HEMK2: variants seen among roughly 807,000 people sequenced by gnomAD.
The protein encoded by HEMK2 is HemK methyltransferase 2, ETF1 glutamine and histone H4 lysine.
At chr21:28,767,987 T>C in the HEMK2 span, among the ~76,000 whole-genome samples, 65,948 of 151,668 alleles carry the variant, frequency 0.43, 15,655 homozygotes, top group African/African-American at 0.61. Flanking sequence ...ACGTGATTGT[T>C]AGTTATTCGG....
chr21:28,580,190 G>C, the HEMK2 span, among the ~76,000 whole-genome samples: 1 of 152,114 alleles, frequency 6.6e-6, no homozygotes, highest in Non-Finnish European at 1.5e-5. Flanking sequence ...GTAGGCAGCA[G>C]GTGGGCAAAG....
At chr21:28,732,904 G>A in the HEMK2 span, among the ~76,000 whole-genome samples, 1 of 152,086 alleles carries the variant, frequency 6.6e-6, no homozygotes, top group Non-Finnish European at 1.5e-5. Flanking sequence ...TAATACCCGG[G>A]TACCTCCAGA....
the HEMK2 span, among the ~76,000 whole-genome samples, chr21:28,694,044 G>A: frequency 6.6e-6 from 1 of 152,230 alleles, no homozygotes; most frequent in South Asian, 2.1e-4. Context: ...AAATATATCT[G>A]CTTAACCATT....
the HEMK2 span, among the ~76,000 whole-genome samples, chr21:28,732,634 G>A: frequency 4.6e-5 from 7 of 152,212 alleles, no homozygotes; most frequent in African/African-American, 1.7e-4. Context: ...GCATGAAAGG[G>A]ACTGGCAGGG....
At chr21:28,850,412 G>C in the HEMK2 span, among the ~76,000 whole-genome samples, 1 of 151,890 alleles carries the variant, frequency 6.6e-6, no homozygotes, top group East Asian at 1.9e-4. Context: ...TTTTAGTAGA[G>C]ACGGGGTTTC....
chr21:28,845,274 C>T, the HEMK2 span, among the ~76,000 whole-genome samples: 1 of 152,106 alleles, frequency 6.6e-6, no homozygotes, highest in Non-Finnish European at 1.5e-5. Flanking sequence ...CTCATCTATA[C>T]TGGCTTCTAT....
At chr21:28,856,339 T>C in the HEMK2 span, among the ~76,000 whole-genome samples, 2 of 151,616 alleles carry the variant, frequency 1.3e-5, no homozygotes, top group Non-Finnish European at 1.5e-5. Flanking sequence ...TGTTTCAACC[T>C]GGGAGGTGGA....
At chr21:28,638,357 A>C in the HEMK2 span, among the ~76,000 whole-genome samples, 2 of 152,260 alleles carry the variant, frequency 1.3e-5, no homozygotes, top group South Asian at 4.2e-4. Flanking sequence ...AACTGGAAGG[A>C]GGAGCACGGT....
the HEMK2 span, among the ~76,000 whole-genome samples, chr21:28,711,632 G>A: frequency 6.6e-6 from 1 of 152,128 alleles, no homozygotes; most frequent in African/African-American, 2.4e-5. Flanking sequence ...GTCTGTCTGT[G>A]ATATAAACTC....
At chr21:28,804,437 T>A in the HEMK2 span, among the ~76,000 whole-genome samples, 1 of 152,162 alleles carries the variant, frequency 6.6e-6, no homozygotes, top group Non-Finnish European at 1.5e-5. Context: ...GAATATCTCA[T>A]ATAATTAAAT....
the HEMK2 span, among the ~76,000 whole-genome samples, chr21:28,591,020 C>T: frequency 1.3e-5 from 2 of 152,210 alleles, no homozygotes; most frequent in Non-Finnish European, 2.9e-5. Flanking sequence ...CATTTTGTTA[C>T]AGCACCTCCT....
chr21:28,787,974 A>T, the HEMK2 span, among the ~76,000 whole-genome samples: 1 of 152,064 alleles, frequency 6.6e-6, no homozygotes, highest in African/African-American at 2.4e-5. Context: ...CCCATCAATC[A>T]ATGAGTGGAT....
the HEMK2 span, among the ~76,000 whole-genome samples, chr21:28,639,978 A>G: frequency 3.4e-4 from 52 of 152,316 alleles, no homozygotes; most frequent in African/African-American, 1.2e-3. Flanking sequence ...AGGGAGAGAA[A>G]GAAAGGCTGA....
chr21:28,672,990 GAAAAAGAAAGAGAAAGAA>G, the HEMK2 span, among the ~76,000 whole-genome samples: 2 of 126,402 alleles, frequency 1.6e-5, no homozygotes, highest in African/African-American at 3.2e-5. Context: ...AAGAGAGAAA[GAAAAAGAAAGAGAAAGAA>G]AGAAAGAAAG....
chr21:28,596,758 G>A, the HEMK2 span, among the ~76,000 whole-genome samples: 532 of 152,076 alleles, frequency 3.5e-3, 3 homozygotes, highest in African/African-American at 0.012. Flanking sequence ...TGGAAGATAC[G>A]CTAATTTTAA....
the HEMK2 span, among the ~76,000 whole-genome samples, chr21:28,732,177 T>C: frequency 6.6e-6 from 1 of 152,260 alleles, no homozygotes; most frequent in Non-Finnish European, 1.5e-5. Context: ...TAGCCCTACA[T>C]GCTGCATAGA....
At chr21:28,831,276 T>A in the HEMK2 span, among the ~76,000 whole-genome samples, 1 of 151,118 alleles carries the variant, frequency 6.6e-6, no homozygotes, top group African/African-American at 2.4e-5. Context: ...GAAACCCCCG[T>A]CTCTACTAAA....
the HEMK2 span, among the ~76,000 whole-genome samples, chr21:28,803,324 G>A: frequency 8.5e-5 from 13 of 152,052 alleles, no homozygotes; most frequent in African/African-American, 2.2e-4. Flanking sequence ...AACCATCTTC[G>A]ATCACAAATT....
chr21:28,785,920 C>T, the HEMK2 span, among the ~76,000 whole-genome samples: 1 of 152,194 alleles, frequency 6.6e-6, no homozygotes, highest in Non-Finnish European at 1.5e-5. Flanking sequence ...ATACTCATGT[C>T]TTATTTGATC....
Sources: gnomAD v4.1 joint callset for allele counts (sites outside exome capture counted in the v4.1 genomes callset) on GRCh38, gnomAD v4.1.1 for gene constraint, MANE v1.5 for transcripts, NCBI Gene and HGNC (gene_info 2026-07-23, HGNC 2026-07-21) for gene names.